RANBP2: variants seen among roughly 807,000 people sequenced by gnomAD.
The protein encoded by RANBP2 is E3 SUMO-protein ligase RanBP2.
RANBP2 carries 57 observed loss-of-function variants against 303.6 expected under a neutral mutation model. That is an observed-to-expected ratio of 0.19 (90% CI 0.15 to 0.23). RANBP2 has a LOEUF of 0.23. Among genes scored for constraint, RANBP2 ranks in the 10% least tolerant of loss-of-function variants. The pLI is 1.00. For synonymous variants in RANBP2, 1,167 were observed against 1,301.5 expected (o/e 0.90, Z 2.23); for missense variants, 3,138 against 3,780.8 (o/e 0.83, Z 4.46).
chr2:109,216,076 A>G, the RANBP2 span, among the ~76,000 whole-genome samples: 2 of 152,150 alleles, frequency 1.3e-5, no homozygotes, highest in Admixed American at 6.5e-5. Context: ...GTCAGTCTGA[A>G]GAACGGAGCC....
chr2:108,824,705 G>A, the RANBP2 span, among the ~76,000 whole-genome samples: 1 of 151,992 alleles, frequency 6.6e-6, no homozygotes, highest in Non-Finnish European at 1.5e-5. Flanking sequence ...TTATCAAGTA[G>A]TATGTACTGT....
chr2:109,564,671 G>A, the RANBP2 span: 15 of 714,786 alleles, frequency 2.1e-5, no homozygotes, highest in East Asian at 1.2e-4. Context: ...TAACAGCTAC[G>A]ATTATTTTAT....
intron 20 of RANBP2, among the ~76,000 whole-genome samples, chr2:108,771,073 G>A (rs1677464214): frequency 6.6e-6 from 1 of 151,862 alleles, no homozygotes; most frequent in African/African-American, 2.4e-5. Flanking sequence ...CATTGATGGT[G>A]GCTGGGGATG....
At chr2:109,443,148 G>A in the RANBP2 span, among the ~76,000 whole-genome samples, 1 of 152,216 alleles carries the variant, frequency 6.6e-6, no homozygotes, top group Non-Finnish European at 1.5e-5. Flanking sequence ...GCATGGGTGT[G>A]TACACATATC....
At chr2:109,254,456 A>G in the RANBP2 span, among the ~76,000 whole-genome samples, 1 of 152,178 alleles carries the variant, frequency 6.6e-6, no homozygotes, top group Non-Finnish European at 1.5e-5. Flanking sequence ...AGTACTTAGA[A>G]TAGGGCCTGA....
At chr2:109,536,881 C>T in the RANBP2 span, among the ~76,000 whole-genome samples, 2 of 151,292 alleles carry the variant, frequency 1.3e-5, no homozygotes, top group Admixed American at 6.6e-5. Flanking sequence ...TGCACAAGCT[C>T]TCTCTTTGCC....
At chr2:109,767,073 T>G in the RANBP2 span, among the ~76,000 whole-genome samples, 20 of 143,718 alleles carry the variant, frequency 1.4e-4, no homozygotes, top group African/African-American at 5.2e-4. Flanking sequence ...TAATCACTTA[T>G]AAAATGACAG....
the RANBP2 span, among the ~76,000 whole-genome samples, chr2:109,334,017 T>C: frequency 1.3e-4 from 20 of 152,158 alleles, no homozygotes; most frequent in Non-Finnish European, 2.8e-4. Flanking sequence ...TCTAAGACTT[T>C]AGGAAAGTCC....
chr2:109,311,603 A>C, the RANBP2 span, among the ~76,000 whole-genome samples: 1 of 152,252 alleles, frequency 6.6e-6, no homozygotes, highest in Non-Finnish European at 1.5e-5. Flanking sequence ...CTTTTATTCT[A>C]GCTTCCTAAA....
chr2:109,406,160 G>T, the RANBP2 span, among the ~76,000 whole-genome samples: 10,081 of 152,250 alleles, frequency 0.066, 480 homozygotes, highest in East Asian at 0.26. Flanking sequence ...AGGCTCAGCT[G>T]GTGCTCTGGG....
At chr2:109,319,768 G>A in the RANBP2 span, among the ~76,000 whole-genome samples, 17 of 152,344 alleles carry the variant, frequency 1.1e-4, no homozygotes, top group East Asian at 3.3e-3. Context: ...GTGTGTGGCT[G>A]TTTCCCTTCA....
chr2:109,418,747 C>T, the RANBP2 span, among the ~76,000 whole-genome samples: 1 of 152,202 alleles, frequency 6.6e-6, no homozygotes, highest in Non-Finnish European at 1.5e-5. Flanking sequence ...ACAGGTCAGA[C>T]CCTTCTGCCA....
the RANBP2 span, among the ~76,000 whole-genome samples, chr2:109,671,151 C>T: frequency 6.6e-6 from 1 of 152,192 alleles, no homozygotes; most frequent in East Asian, 1.9e-4. Flanking sequence ...CTGCTGCTTC[C>T]TACCAGGAGA....
At chr2:109,628,500 TAATAAATAAATAAATA>T in the RANBP2 span, among the ~76,000 whole-genome samples, 10 of 146,928 alleles carry the variant, frequency 6.8e-5, no homozygotes, top group East Asian at 4.1e-4. Context: ...TCTCAAAAAA[TAATAAATAAATAAATA>T]AATAAATAAA....
At chr2:109,210,177 AG>A in the RANBP2 span, among the ~76,000 whole-genome samples, 3 of 152,240 alleles carry the variant, frequency 2.0e-5, no homozygotes, top group Non-Finnish European at 2.9e-5. Flanking sequence ...TTGTATGGCT[AG>A]ACCACATTTT....
chr2:109,650,554 G>A, the RANBP2 span, among the ~76,000 whole-genome samples: 1 of 152,160 alleles, frequency 6.6e-6, no homozygotes, highest in African/African-American at 2.4e-5. Flanking sequence ...CACTGATGTG[G>A]TTTGACTGTG....
At chr2:109,037,317 A>G in the RANBP2 span, among the ~76,000 whole-genome samples, 1 of 137,272 alleles carries the variant, frequency 7.3e-6, no homozygotes, top group Admixed American at 7.4e-5. Flanking sequence ...GAGCAAGACC[A>G]TGTCTCAAAA....
chr2:109,662,294 CT>C, the RANBP2 span, among the ~76,000 whole-genome samples: 4 of 151,874 alleles, frequency 2.6e-5, no homozygotes, highest in Admixed American at 1.3e-4. Flanking sequence ...TTCTTTCTTT[CT>C]TTTTTTAAAA....
chr2:108,876,925 C>T, the RANBP2 span, among the ~76,000 whole-genome samples: 2 of 152,102 alleles, frequency 1.3e-5, no homozygotes. Context: ...AAAGTGGCCA[C>T]AGGTCTGGGT....
Sources: gnomAD v4.1 joint callset for allele counts (sites outside exome capture counted in the v4.1 genomes callset) on GRCh38, gnomAD v4.1.1 for gene constraint, MANE v1.5 for transcripts, NCBI Gene and HGNC (gene_info 2026-07-23, HGNC 2026-07-21) for gene names.